SLFNL1: variants seen among roughly 807,000 people sequenced by gnomAD.
SLFNL1 encodes schlafen-like protein 1.
SLFNL1 carries 26 observed loss-of-function variants against 32.5 expected under a neutral mutation model. The ratio of observed to expected loss-of-function variants is 0.80; its 90% CI spans 0.59 to 1.11. The LOEUF is 1.11. SLFNL1 is among the 50% of genes least tolerant of loss of function. SLFNL1 has a pLI of 0.00. For synonymous variants in SLFNL1, 255 were observed against 242.2 expected, an observed-to-expected ratio of 1.05 and a Z score of -0.49; for missense variants, 553 against 546.5, an observed-to-expected ratio of 1.01 and a Z score of -0.12.
At position 41,020,221 on chromosome 1, in the gene SLFNL1, C is replaced by T. The variant is rs371953162; in HGVS notation, c.435+5G>A. On this transcript the variant is annotated splice_donor_5th_base_variant and intron_variant, in intron 3 of 5. Coordinates refer to ENST00000302946, the MANE Select transcript of SLFNL1 (RefSeq NM_144990.4). ...TGGAGCTTGCTTGGGAAAAGTCCCA[C>T]TTACCTCTCTGTGGCTGAAGGGCCC... is the stretch of plus-strand genomic sequence containing the variant. The T allele has an allele frequency of 6.3e-7, 1 of 1,576,498 alleles. No homozygotes were observed. Among genetic ancestry groups the T allele is most frequent in the Middle Eastern group, 1.8e-4 (1 of 5,660 alleles).
Position 41,020,418 on chromosome 1 carries a change from CT to C in SLFNL1, c.242del (p.Glu81GlyfsTer6). 6.2e-7 allele frequency: 1 copy of C among 1,613,070 alleles called. No individual in the cohort carries two copies. The highest frequency in any genetic ancestry group is 1.3e-5 in the African/African-American group (1 of 75,026). ...GCGGCCGCCTCACCACTTCAATGTG[CT>C]CCCGCGCCACCGGCATCTCCAGCCG... The part of the protein sequence containing the change: ...LERLEMPVAR[E>X]HIEVVRRPRK... On this transcript the variant is annotated frameshift_variant, in exon 3 of 6. Transcript: ENST00000302946. LOFTEE classifies it high-confidence loss of function.
chr1:41,019,417 A>G (rs1643647759), intron 3 of SLFNL1, among the ~76,000 whole-genome samples: 1 of 152,154 alleles, frequency 6.6e-6, no homozygotes, highest in Non-Finnish European at 1.5e-5. Flanking sequence ...CTAACGTCCC[A>G]TGTCCCACCC....
Position 41,020,755 on chromosome 1 carries a change from A to G in SLFNL1, c.-95T>C. ...CTCAGTGTGGCTTAAGGGCTCCCAG[A>G]GGACTCAGGGAGTGTCCCGGCTCCT... On this transcript the variant is annotated 5_prime_UTR_variant, in exon 3 of 6. Transcript: ENST00000302946. The G allele has an allele frequency of 1.7e-6, 2 of 1,199,454 alleles. No individual in the cohort carries two copies. The highest frequency in any genetic ancestry group is 2.3e-6 in the Non-Finnish European group (2 of 854,606). The allele number at this position is 1,199,454 out of a possible 1,614,324, so 74.3% of individuals were successfully genotyped here.
At chr1:41,018,279 G>C (rs11209361) in intron 3 of SLFNL1, 123 bp from the exon 4 acceptor site, 293,604 of 1,023,740 alleles carry the variant, frequency 0.29, 45,624 homozygotes, top group Non-Finnish European at 0.32. Context: ...CGGACATCCT[G>C]ATGCCCCTCA....
In SLFNL1 at chr1:41,017,869, G is replaced by T; in HGVS notation, c.723C>A (p.His241Gln). ...SGEYLSLAFK[H>Q]HVRRYVCAFL... The stretch of plus-strand genomic sequence containing the variant: ...AGGCGCACACGTAGCGCCGCACGTG[G>T]TGCTTGAAGGCCAGGCTGAGGTACT... Residue 241 changes from histidine (H) to glutamine (Q), a missense_variant, in exon 4 of 6, where the codon CAC becomes CAA. Transcript: ENST00000302946. The surrounding 1 kb of genome is among the most constrained non-coding windows in gnomAD (Gnocchi z 4.9). The T allele has an allele frequency of 6.2e-7, 1 of 1,607,248 alleles. No homozygotes were observed.
chr1:41,017,778 G>A lies in SLFNL1; in HGVS notation c.814C>T (p.Arg272Cys), dbSNP rs759086428. The A allele has an allele frequency of 1.4e-5, 22 of 1,606,776 alleles. No homozygotes were observed. Among genetic ancestry groups the A allele is most frequent in the East Asian group, 1.1e-4 (5 of 44,712 alleles). Residue 272 changes from arginine (R) to cysteine (C), a missense_variant, in exon 4 of 6, where the codon CGC becomes TGC. Transcript: ENST00000302946. The surrounding 1 kb of genome is among the most constrained non-coding windows in gnomAD (Gnocchi z 4.9). ...VEDSGLVQGI[R>C]CSHRDEDRAR... Reference sequence around the variant, plus strand: ...CGGTCCTCGTCACGGTGGCTGCAGCGGATGCCCTGCACCAGGCCGCTGTCC... The same window carrying A: ...CGGTCCTCGTCACGGTGGCTGCAGCAGATGCCCTGCACCAGGCCGCTGTCC...
At position 41,018,083 on chromosome 1, in the gene SLFNL1, G is replaced by C. The variant is rs1643501626; in HGVS notation, c.509C>G (p.Thr170Ser). The change falls in exon 4 of 6, where the codon ACC (threonine) becomes AGC (serine). Residue 170 changes from threonine (T) to serine (S), a missense_variant. Thr to Ser is a moderately conservative substitution (Grantham distance 58, BLOSUM62 1). Coordinates refer to ENST00000302946, the MANE Select transcript of SLFNL1 (RefSeq NM_144990.4). ...ATCAGGCAGCGTGTGTGTAGGCCAG[G>C]TGGGCAGCGGGACACCAGAGCCTGG... is the stretch of plus-strand genomic sequence containing the variant. ...PSPGSGVPLP[T>S]WPTHTLPDRP... is the part of the protein sequence containing the mutation. 1.3e-6 allele frequency: 2 copies of C among 1,560,922 alleles called. No homozygotes were observed. Among genetic ancestry groups the C allele is most frequent in the East Asian group, 4.7e-5 (2 of 42,160 alleles).
Position 41,017,879 on chromosome 1 carries a change from GC to G in SLFNL1, c.712del (p.Ala238ProfsTer25). The G allele has an allele frequency of 3.7e-6, 6 of 1,608,192 alleles. No homozygotes were observed. The highest frequency in any genetic ancestry group is 5.1e-6 in the Non-Finnish European group (6 of 1,175,916). Reference sequence around the variant, plus strand: ...GTAGCGCCGCACGTGGTGCTTGAAGGCCAGGCTGAGGTACTCGCCGCTACCC... The same window carrying G: ...GTAGCGCCGCACGTGGTGCTTGAAGGCAGGCTGAGGTACTCGCCGCTACCC... ...KRGSGEYLSL[A>X]FKHHVRRYVC... On this transcript the variant is annotated frameshift_variant, in exon 4 of 6. Coordinates refer to ENST00000302946, the MANE Select transcript of SLFNL1 (RefSeq NM_144990.4). LOFTEE classifies it high-confidence loss of function. The surrounding 1 kb of genome is among the most constrained non-coding windows in gnomAD (Gnocchi z 4.9).
intron 1 of SLFNL1, chr1:41,021,324 A>T (rs1362939782): frequency 6.5e-6 from 1 of 152,718 alleles, no homozygotes; most frequent in Admixed American, 6.5e-5. Context: ...TGGCCTTTGC[A>T]TATAAACATA....
At chr1:41,019,021 T>C (rs940291927) in intron 3 of SLFNL1, among the ~76,000 whole-genome samples, 1 of 151,750 alleles carries the variant, frequency 6.6e-6, no homozygotes, top group Non-Finnish European at 1.5e-5. Context: ...TTTGTATTTT[T>C]AGTAGAGACG....
At chr1:41,018,412 G>A (rs1188250639) in intron 3 of SLFNL1, 1 of 422,812 alleles carries the variant, frequency 2.4e-6, no homozygotes, top group Non-Finnish European at 4.2e-6. Context: ...GTGAGCTGTG[G>A]GATGCCTGGT....
chr1:41,017,000 G>C, intron 5 of SLFNL1: 1 of 453,880 alleles, frequency 2.2e-6, no homozygotes. Flanking sequence ...GAGCCACTGC[G>C]CCTGGCCACT....
In SLFNL1 at chr1:41,017,321, C is replaced by G. The variant is rs1401018021; in HGVS notation, c.1014G>C (p.Gln338His). 7 of 1,613,954 alleles carry G rather than the reference C, an allele frequency of 4.3e-6. No homozygotes were observed. Among genetic ancestry groups the G allele is most frequent in the Non-Finnish European group, 5.9e-6 (7 of 1,179,958 alleles). ...GCAGAAACACCTCCCCCTGGTCTGTCTGGTAGAGTTGCGGCTGGCTCTGGG... is the reference window on the plus strand; with the variant it reads ...GCAGAAACACCTCCCCCTGGTCTGTGTGGTAGAGTTGCGGCTGGCTCTGGG... Reference protein sequence around the residue: ...PKAQSQPQLYQTDQGEVFLRR... With the variant: ...PKAQSQPQLYHTDQGEVFLRR... Residue 338 changes from glutamine to histidine, a missense_variant, in exon 5 of 6, where the codon CAG (glutamine) becomes CAC (histidine). By Grantham distance (24) the Gln-to-His change is conservative. Transcript: ENST00000302946. The surrounding 1 kb of genome is among the most constrained non-coding windows in gnomAD (Gnocchi z 4.9).
Position 41,017,334 on chromosome 1 carries a change from G to A in SLFNL1, c.1001C>T (p.Pro334Leu), listed in dbSNP as rs367658059. 21 of 1,613,704 alleles carry A rather than the reference G, an allele frequency of 1.3e-5. No homozygotes were observed. The highest frequency in any genetic ancestry group is 4.4e-5 in the South Asian group (4 of 91,090). Residue 334 changes from proline to leucine, a missense_variant, in exon 5 of 6, where the codon CCG (proline) becomes CTG (leucine). By Grantham distance (98) the Pro-to-Leu change is moderately conservative (BLOSUM62 -3). Coordinates refer to ENST00000302946, the MANE Select transcript of SLFNL1 (RefSeq NM_144990.4). This position sits in a 1 kb window ranked among gnomAD's most constrained non-coding sequence, Gnocchi z 4.9. ...CCCCTGGTCTGTCTGGTAGAGTTGC[G>A]GCTGGCTCTGGGCCTTGGGGGTGTG... Reference protein sequence around the residue: ...TVHTPKAQSQPQLYQTDQGEV... With the variant: ...TVHTPKAQSQLQLYQTDQGEV...
Position 41,017,434 on chromosome 1 carries a change from A to C in SLFNL1, c.958-57T>G, listed in dbSNP as rs887323549. On this transcript the variant is annotated intron_variant, in intron 4 of 5. Transcript: ENST00000302946. The surrounding 1 kb of genome is among the most constrained non-coding windows in gnomAD (Gnocchi z 4.9). ...CCGCCCCTCACGGTCGGCAGCCCCC[A>C]TCCTGCCAGGCTGCTCAGCATTGCT... The C allele has an allele frequency of 1.9e-6, 3 of 1,582,148 alleles. No homozygotes were observed. The highest frequency in any genetic ancestry group is 1.7e-6 in the Non-Finnish European group (2 of 1,164,332).
chr1:41,018,833 T>G (rs979203003), intron 3 of SLFNL1, among the ~76,000 whole-genome samples: 5 of 132,908 alleles, frequency 3.8e-5, no homozygotes, highest in Non-Finnish European at 8.1e-5. Context: ...CTCCTGTTTT[T>G]TTTTTTTTTT....
chr1:41,018,422 TG>T (rs1643533934), intron 3 of SLFNL1: 2 of 408,974 alleles, frequency 4.9e-6, no homozygotes, highest in Admixed American at 4.1e-5. Flanking sequence ...GGATGCCTGG[TG>T]GGGAAGAAGA....
intron 3 of SLFNL1, among the ~76,000 whole-genome samples, chr1:41,018,968 T>C (rs1381557227): frequency 2.0e-5 from 3 of 150,734 alleles, no homozygotes; most frequent in Non-Finnish European, 4.4e-5. Context: ...GCCTCCCGAG[T>C]AGCTGGGATT....
chr1:41,019,023 G>A (rs1037285061), intron 3 of SLFNL1, among the ~76,000 whole-genome samples: 2 of 151,522 alleles, frequency 1.3e-5, no homozygotes, highest in African/African-American at 2.4e-5. Flanking sequence ...TGTATTTTTA[G>A]TAGAGACGGG....
Sources: allele counts gnomAD v4.1 joint callset (sites outside exome capture counted in the v4.1 genomes callset), GRCh38; gene constraint gnomAD v4.1.1; non-coding constraint Gnocchi (gnomAD v3.1); transcripts MANE v1.5; gene names NCBI Gene and HGNC (gene_info 2026-07-23, HGNC 2026-07-21).